The following MAGI2 variants were observed in gnomAD, a reference collection of about 807,000 sequenced individuals.
MAGI2 encodes membrane associated guanylate kinase, WW and PDZ domain containing 2.
Under a neutral mutation model 133.3 loss-of-function variants are expected in MAGI2, and 35 were observed. That is an observed-to-expected ratio of 0.26 (90% confidence interval 0.20 to 0.35). The LOEUF is 0.35. MAGI2 is among the 10% of genes least tolerant of loss of function. The pLI, the probability that MAGI2 is intolerant of heterozygous loss-of-function variation, is 1.00. For missense variants in MAGI2, 1,636 were observed against 1,863.4 expected (o/e 0.88, Z 2.25); for synonymous variants, 729 against 710.6 (o/e 1.03, Z -0.41).
chr7:79,095,433 G>T (rs1817434413), intron 1 of MAGI2, among the ~76,000 whole-genome samples: 1 of 152,166 alleles, frequency 6.6e-6, no homozygotes, highest in Non-Finnish European at 1.5e-5. Context: ...GATGCAAGCG[G>T]ACTAGCTTTT....
At chr7:78,240,972 C>T (rs1186254520) in intron 10 of MAGI2, among the ~76,000 whole-genome samples, 1 of 152,020 alleles carries the variant, frequency 6.6e-6, no homozygotes, top group Admixed American at 6.6e-5. Flanking sequence ...TTTCCTTTGT[C>T]TGACCCTGTT....
intron 1 of MAGI2, among the ~76,000 whole-genome samples, chr7:79,366,480 C>T (rs1221000758): frequency 6.6e-6 from 1 of 152,040 alleles, no homozygotes; most frequent in African/African-American, 2.4e-5. Flanking sequence ...AGTATCTTGA[C>T]TGTGATGAAT....
chr7:78,848,477 T>A (rs1365816762), intron 2 of MAGI2, among the ~76,000 whole-genome samples: 1 of 152,022 alleles, frequency 6.6e-6, no homozygotes, highest in East Asian at 1.9e-4. Context: ...CAAATATACA[T>A]TTTAAAGACT....
At chr7:78,198,629 G>T (rs1026954167) in intron 11 of MAGI2, among the ~76,000 whole-genome samples, 1 of 151,950 alleles carries the variant, frequency 6.6e-6, no homozygotes, top group African/African-American at 2.4e-5. Context: ...ACAGGATTTC[G>T]CCATGTTGGC....
At chr7:78,502,122 T>C (rs1584417043) in intron 4 of MAGI2, among the ~76,000 whole-genome samples, 1 of 152,290 alleles carries the variant, frequency 6.6e-6, no homozygotes, top group East Asian at 1.9e-4. Flanking sequence ...GAATATTACC[T>C]TACATGGCAA....
chr7:78,328,549 T>G (rs1005981445), intron 9 of MAGI2, among the ~76,000 whole-genome samples: 2 of 34,670 alleles, frequency 5.8e-5, no homozygotes, highest in African/African-American at 2.5e-4. Context: ...CTCTCTCTCT[T>G]ACTTTATTCT....
intron 4 of MAGI2, among the ~76,000 whole-genome samples, chr7:78,515,905 A>C (rs1796000889): frequency 6.6e-6 from 1 of 152,158 alleles, no homozygotes; most frequent in Admixed American, 6.5e-5. Context: ...ATCTCAAAAA[A>C]AAAAGGTCCT....
intron 20 of MAGI2, among the ~76,000 whole-genome samples, chr7:78,119,689 G>C (rs1243110875): frequency 3.3e-5 from 5 of 151,988 alleles, no homozygotes; most frequent in African/African-American, 1.2e-4. Flanking sequence ...CAGTCTGGTG[G>C]GAAATGTTGA....
chr7:79,339,736 T>C (rs1563131683), intron 1 of MAGI2, among the ~76,000 whole-genome samples: 1 of 152,132 alleles, frequency 6.6e-6, no homozygotes, highest in Non-Finnish European at 1.5e-5. Context: ...TTCTATATTG[T>C]TTGTGGCTTT....
intron 10 of MAGI2, among the ~76,000 whole-genome samples, chr7:78,236,027 G>GTTT (rs34874243): frequency 7.4e-5 from 10 of 134,628 alleles, no homozygotes; most frequent in East Asian, 4.4e-4. Flanking sequence ...AAGACTGTAT[G>GTTT]TTTTTTTTTT....
At position 79,153,861 on chromosome 7, in the gene MAGI2, T is replaced by A. The variant is rs10231236; in HGVS notation, c.302-146655A>T. Among the ~76,000 whole-genome samples the A allele has an allele frequency of 3.8e-3, 579 of 152,282 alleles. 1 individual carries two copies. Among genetic ancestry groups the A allele is most frequent in the African/African-American group, 0.014 (561 of 41,550 alleles). On this transcript the variant is annotated intron_variant, in intron 1 of 21. Transcript: ENST00000354212. ...AAGGCCACCTTTCACTGTGATCTAG[T>A]GTATAAAATTAAAGTCCTGGCATTT...
rs1402832208 is a variant in MAGI2, at chr7:79,453,392, T to TGGAGGAGCAA, written c.-82_-73dup. On this transcript the variant is annotated 5_prime_UTR_variant, in exon 1 of 22. Coordinates refer to ENST00000354212, the MANE Select transcript of MAGI2 (RefSeq NM_012301.4). ...GGGGCTGGTGGTGAGAGAATGAGGA[T>TGGAGGAGCAA]GGAGGAGCAAGGGGGCCCAGGGGGA... 6.6e-6 allele frequency: 10 copies of TGGAGGAGCAA among 1,523,528 alleles called. No homozygotes were observed. The highest frequency in any genetic ancestry group is 8.8e-6 in the Non-Finnish European group (10 of 1,140,186). The allele number at this position is 1,523,528 out of a possible 1,614,324, so 94.4% of individuals were successfully genotyped here. A position where few individuals can be genotyped will look rare whatever the true frequency, so the allele number is the denominator to read the frequency against.
In MAGI2 at chr7:78,903,172, C is replaced by CTTTTTT. The variant is rs10526268; in HGVS notation, c.418+103912_418+103917dup. Among the ~76,000 whole-genome samples the CTTTTTT allele has an allele frequency of 1.1e-3, 61 of 56,120 alleles. 11 individuals are homozygous for CTTTTTT. The highest frequency in any genetic ancestry group is 6.2e-3 in the East Asian group (9 of 1,452). 36.8% of individuals were successfully genotyped at this position (56,120 alleles called of 152,430 possible). A position where few individuals can be genotyped will look rare whatever the true frequency, so the allele number is the denominator to read the frequency against. ...TTCATGCAAGTGGGAGTTCCTGAAT[C>CTTTTTT]TTTTTTTTTTTTTTTTTTTTTTTTT... On this transcript the variant is annotated intron_variant, in intron 2 of 21. Transcript: ENST00000354212.
chr7:78,576,011 T>C (rs2150791150), intron 3 of MAGI2, among the ~76,000 whole-genome samples: 1 of 152,102 alleles, frequency 6.6e-6, no homozygotes, highest in East Asian at 1.9e-4. Flanking sequence ...AAGTTAAACA[T>C]AAACTCTCTG....
intron 1 of MAGI2, among the ~76,000 whole-genome samples, chr7:79,140,985 T>G (rs2129546187): frequency 6.6e-6 from 1 of 152,304 alleles, no homozygotes; most frequent in Non-Finnish European, 1.5e-5. Context: ...TCTAAATACT[T>G]CTAGGTTTTC....
chr7:78,755,229 G>A (rs1823830781), intron 2 of MAGI2, among the ~76,000 whole-genome samples: 1 of 152,166 alleles, frequency 6.6e-6, no homozygotes, highest in South Asian at 2.1e-4. Flanking sequence ...AGTATGTACG[G>A]TGGAAAAAAA....
chr7:78,689,745 A>T (rs1396452205), intron 2 of MAGI2, among the ~76,000 whole-genome samples: 1 of 90,060 alleles, frequency 1.1e-5, no homozygotes, highest in Non-Finnish European at 2.1e-5. Flanking sequence ...CCATGCTGTT[A>T]TATGTATCAG....
intron 1 of MAGI2, among the ~76,000 whole-genome samples, chr7:79,409,208 G>A (rs1178654161): frequency 6.6e-6 from 1 of 151,762 alleles, no homozygotes; most frequent in African/African-American, 2.4e-5. Context: ...CTTAATAGAG[G>A]GGCCAAAGAA....
chr7:78,429,245 A>G (rs1799563645), intron 6 of MAGI2, among the ~76,000 whole-genome samples: 1 of 151,576 alleles, frequency 6.6e-6, no homozygotes, highest in Non-Finnish European at 1.5e-5. Flanking sequence ...AAACATCATC[A>G]GAACTCCCAT....
Sources: allele counts gnomAD v4.1 joint callset (sites outside exome capture counted in the v4.1 genomes callset), GRCh38; gene constraint gnomAD v4.1.1; transcripts MANE v1.5; gene names NCBI Gene and HGNC (gene_info 2026-07-23, HGNC 2026-07-21).